The following KCNJ6 variants were observed in gnomAD, a reference collection of about 807,000 sequenced individuals.
The protein encoded by KCNJ6 is G protein-activated inward rectifier potassium channel 2.
Under a neutral mutation model 34.2 loss-of-function variants are expected in KCNJ6, and 9 were observed. That is an observed-to-expected ratio of 0.26 (90% CI 0.16 to 0.46). The LOEUF (loss-of-function observed/expected upper bound fraction) is 0.46, where lower values mean the gene tolerates loss of function less well. Ranked by LOEUF, KCNJ6 falls within the 20% of genes least tolerant of loss-of-function variation. The pLI is 1.00. For missense variants in KCNJ6, 236 were observed against 531.3 expected (o/e 0.44, Z 5.46); for synonymous variants, 196 against 207.1 (o/e 0.95, Z 0.46).
At chr21:37,690,388 T>G (rs1174883773) in intron 3 of KCNJ6, among the ~76,000 whole-genome samples, 1 of 152,152 alleles carries the variant, frequency 6.6e-6, no homozygotes, top group Non-Finnish European at 1.5e-5. Context: ...ACCATAAGAC[T>G]TGCAATAAAC....
At chr21:37,833,805 C>T (rs1348285315) in intron 2 of KCNJ6, among the ~76,000 whole-genome samples, 1 of 152,326 alleles carries the variant, frequency 6.6e-6, no homozygotes, top group South Asian at 2.1e-4. Context: ...AAAAGGCACA[C>T]TGACTGTGGA....
intron 2 of KCNJ6, among the ~76,000 whole-genome samples, chr21:37,798,236 G>A (rs1389812604): frequency 6.6e-6 from 1 of 152,210 alleles, no homozygotes; most frequent in African/African-American, 2.4e-5. Flanking sequence ...ACTTGAGCCT[G>A]TGCTTTCAAA....
At chr21:37,795,511 G>A (rs527933381) in intron 2 of KCNJ6, among the ~76,000 whole-genome samples, 93 of 152,224 alleles carry the variant, frequency 6.1e-4, no homozygotes, top group African/African-American at 2.1e-3. Context: ...TTGGAAGGCC[G>A]AGGCAGGTGG....
chr21:37,827,630 G>C (rs191796178), intron 2 of KCNJ6, among the ~76,000 whole-genome samples: 9 of 152,072 alleles, frequency 5.9e-5, no homozygotes, highest in African/African-American at 1.7e-4. Context: ...AGAATAGTAA[G>C]TAAAACAAGG....
chr21:37,888,362 AAGAAC>A, intron 1 of KCNJ6, among the ~76,000 whole-genome samples: 2 of 152,348 alleles, frequency 1.3e-5, no homozygotes, highest in Admixed American at 1.3e-4. Flanking sequence ...AGAACACTAC[AAGAAC>A]AGATAGCAAC....
intron 2 of KCNJ6, among the ~76,000 whole-genome samples, chr21:37,818,918 G>A (rs1021134315): frequency 6.6e-6 from 1 of 152,018 alleles, no homozygotes; most frequent in African/African-American, 2.4e-5. Flanking sequence ...AGACTTCCAA[G>A]GTTTTTCAGG....
rs1361400481 is a variant in KCNJ6, at chr21:37,688,975, T to G, written c.946+25236A>C. 2.6e-5 allele frequency among the ~76,000 whole-genome samples: 4 copies of G among 152,316 alleles called. No homozygotes were observed. The East Asian group carries it at 7.7e-4, about 29-fold the overall frequency. On this transcript the variant is annotated intron_variant, in intron 3 of 3. Transcript: ENST00000609713. ...TAGAGATACATTTAGATATATGTAT[T>G]GTAGATATACACCAAAGGTGCATAT... is the stretch of plus-strand genomic sequence containing the variant.
At chr21:37,762,770 C>T (rs1037640861) in intron 2 of KCNJ6, among the ~76,000 whole-genome samples, 18 of 152,124 alleles carry the variant, frequency 1.2e-4, no homozygotes, top group African/African-American at 4.3e-4. Flanking sequence ...TTACACATGA[C>T]GATCCCCTGG....
At chr21:37,722,332 G>C (rs1176770700) in intron 2 of KCNJ6, among the ~76,000 whole-genome samples, 2 of 152,176 alleles carry the variant, frequency 1.3e-5, no homozygotes, top group African/African-American at 2.4e-5. Context: ...TCATGGACTG[G>C]AAGAATCAAT....
chr21:37,686,294 T>C (rs531053817), intron 3 of KCNJ6, among the ~76,000 whole-genome samples: 1 of 152,198 alleles, frequency 6.6e-6, no homozygotes, highest in African/African-American at 2.4e-5. Flanking sequence ...CTAATTTCTT[T>C]AGACTGAAGC....
At chr21:37,686,617 A>T (rs1419924596) in intron 3 of KCNJ6, among the ~76,000 whole-genome samples, 1 of 151,580 alleles carries the variant, frequency 6.6e-6, no homozygotes, top group Non-Finnish European at 1.5e-5. Context: ...ACAGGCACCC[A>T]CCATCATGCC....
At chr21:37,802,764 C>T (rs1175335107) in intron 2 of KCNJ6, among the ~76,000 whole-genome samples, 1 of 152,144 alleles carries the variant, frequency 6.6e-6, no homozygotes, top group Non-Finnish European at 1.5e-5. Context: ...TTACAGCCAT[C>T]CTTCTGGAAA....
intron 2 of KCNJ6, among the ~76,000 whole-genome samples, chr21:37,815,634 C>A (rs192138295): frequency 2.6e-5 from 4 of 152,320 alleles, no homozygotes. Context: ...ATCATCTAAT[C>A]CAGTCCACTT....
chr21:37,715,165 A>C (rs761431057), intron 2 of KCNJ6, 34 bp from the exon 3 acceptor site: 2 of 1,559,476 alleles, frequency 1.3e-6, no homozygotes, highest in Non-Finnish European at 1.7e-6. Context: ...GAAACACTGA[A>C]TGAAAGGCTG....
At chr21:37,666,826 G>A (rs2054515697) in intron 3 of KCNJ6, among the ~76,000 whole-genome samples, 1 of 151,742 alleles carries the variant, frequency 6.6e-6, no homozygotes, top group South Asian at 2.1e-4. Context: ...TTCTGCCTTG[G>A]GATGCTGTTA....
intron 1 of KCNJ6, among the ~76,000 whole-genome samples, chr21:37,842,646 T>C (rs189695884): frequency 1.3e-5 from 2 of 152,222 alleles, no homozygotes; most frequent in African/African-American, 4.8e-5. Context: ...TATGTCAACA[T>C]GCAGAGAAAC....
intron 2 of KCNJ6, among the ~76,000 whole-genome samples, chr21:37,779,803 C>T (rs2055160405): frequency 6.6e-6 from 1 of 152,206 alleles, no homozygotes; most frequent in African/African-American, 2.4e-5. Flanking sequence ...TTTGGAGTCA[C>T]AAGTGAGGTT....
At chr21:37,866,871 C>T (rs1035648608) in intron 1 of KCNJ6, among the ~76,000 whole-genome samples, 4 of 152,194 alleles carry the variant, frequency 2.6e-5, no homozygotes, top group Non-Finnish European at 4.4e-5. Flanking sequence ...TACAAAACTA[C>T]GCATTACTTA....
chr21:37,680,365 G>A (rs2054585295), intron 3 of KCNJ6, among the ~76,000 whole-genome samples: 1 of 152,100 alleles, frequency 6.6e-6, no homozygotes, highest in Non-Finnish European at 1.5e-5. Context: ...TTCACTCCTC[G>A]AGCTCACAGA....
Sources: allele counts gnomAD v4.1 joint callset (sites outside exome capture counted in the v4.1 genomes callset), GRCh38; gene constraint gnomAD v4.1.1; transcripts MANE v1.5; gene names NCBI Gene and HGNC (gene_info 2026-07-23, HGNC 2026-07-21).